MED12L: variants seen among roughly 807,000 people sequenced by gnomAD.
MED12L encodes mediator complex subunit 12L.
Under a neutral mutation model 281.3 loss-of-function variants are expected in MED12L, and 60 were observed. The observed-to-expected ratio is 0.21, with a 90% CI of 0.17 to 0.26. The LOEUF is 0.26. Among genes scored for constraint, MED12L ranks in the 10% least tolerant of loss-of-function variants. MED12L has a pLI of 1.00. For synonymous variants in MED12L, 974 were observed against 987.2 expected, an observed-to-expected ratio of 0.99 and a Z score of 0.25; for missense variants, 2,146 against 2,680.9, an observed-to-expected ratio of 0.80 and a Z score of 4.41.
At chr3:151,121,680 A>G (rs1335862272) in intron 3 of MED12L, among the ~76,000 whole-genome samples, 1 of 152,124 alleles carries the variant, frequency 6.6e-6, no homozygotes, top group Non-Finnish European at 1.5e-5. Flanking sequence ...AAAAAATTCC[A>G]ACAGATTTTC....
At chr3:151,186,424 G>A (rs567122626) in intron 12 of MED12L, among the ~76,000 whole-genome samples, 1 of 152,270 alleles carries the variant, frequency 6.6e-6, no homozygotes, top group Admixed American at 6.5e-5. Flanking sequence ...TGTAGCCTTT[G>A]CAGCATCTCC....
intron 16 of MED12L, among the ~76,000 whole-genome samples, chr3:151,275,351 C>T (rs1004614921): frequency 6.6e-6 from 1 of 152,060 alleles, no homozygotes; most frequent in Non-Finnish European, 1.5e-5. Flanking sequence ...AGCCAGCACC[C>T]GTCCCTGGCT....
intron 16 of MED12L, among the ~76,000 whole-genome samples, chr3:151,334,300 G>A (rs1454723194): frequency 6.8e-6 from 1 of 146,746 alleles, no homozygotes; most frequent in Non-Finnish European, 1.5e-5. Context: ...ATTATGAAGT[G>A]CATTTCCACA....
chr3:151,366,398 G>A (rs971146921), intron 23 of MED12L, among the ~76,000 whole-genome samples: 2 of 152,174 alleles, frequency 1.3e-5, no homozygotes, highest in African/African-American at 4.8e-5. Flanking sequence ...TAAGTGCAAG[G>A]CGCAGTATAC....
intron 16 of MED12L, among the ~76,000 whole-genome samples, chr3:151,218,485 AC>A (rs1728664691): frequency 6.6e-6 from 1 of 152,152 alleles, no homozygotes; most frequent in Non-Finnish European, 1.5e-5. Flanking sequence ...CATTATGTTA[AC>A]CTTGAGGCTT....
intron 5 of MED12L, among the ~76,000 whole-genome samples, chr3:151,152,921 C>T (rs777896411): frequency 2.2e-4 from 34 of 152,168 alleles, no homozygotes; most frequent in African/African-American, 7.2e-4. Context: ...GCCTCCATGG[C>T]GGGTGTTCCT....
chr3:151,297,002 C>CT (rs1002528943), intron 16 of MED12L, among the ~76,000 whole-genome samples: 6 of 152,098 alleles, frequency 3.9e-5, no homozygotes, highest in African/African-American at 1.4e-4. Context: ...TGCTTGACAT[C>CT]TAAGTGCAGG....
chr3:151,327,898 T>C (rs1749840320), intron 16 of MED12L: 1 of 910,426 alleles, frequency 1.1e-6, no homozygotes, highest in Non-Finnish European at 1.7e-6. Flanking sequence ...TAAGAGAGCA[T>C]TTGTTCCAAT....
At chr3:151,271,479 G>A (rs1740934080) in intron 16 of MED12L, among the ~76,000 whole-genome samples, 1 of 152,132 alleles carries the variant, frequency 6.6e-6, no homozygotes, top group Admixed American at 6.5e-5. Context: ...GCTTCCTTGT[G>A]ACCTAGTAAT....
chr3:151,355,858 A>G (rs756534576), intron 18 of MED12L, 38 bp from the exon 19 acceptor site: 163 of 1,551,300 alleles, frequency 1.1e-4, no homozygotes, highest in Non-Finnish European at 1.4e-4. Flanking sequence ...ATTATTTAGA[A>G]TATTGGTCTT....
chr3:151,382,132 A>G (rs1295620668), intron 32 of MED12L, among the ~76,000 whole-genome samples: 3 of 152,168 alleles, frequency 2.0e-5, no homozygotes, highest in African/African-American at 7.2e-5. Context: ...ATAAACTGAT[A>G]AAGCCACTTG....
At chr3:151,188,583 AC>A in intron 13 of MED12L, 103 bp downstream of exon 13, 3 of 1,213,908 alleles carry the variant, frequency 2.5e-6, no homozygotes, top group Non-Finnish European at 3.4e-6. Context: ...TATTCTTGGC[AC>A]TGAATATAAT....
chr3:151,130,164 G>T (rs1715166648), intron 5 of MED12L, among the ~76,000 whole-genome samples: 1 of 152,068 alleles, frequency 6.6e-6, no homozygotes, highest in South Asian at 2.1e-4. Context: ...GTCTGAATCG[G>T]CATCTGAACC....
chr3:151,384,956 C>T (rs1397141315), intron 35 of MED12L, 74 bp from the exon 36 acceptor site: 5 of 824,346 alleles, frequency 6.1e-6, no homozygotes, highest in South Asian at 4.3e-5. Context: ...GGGGAACTTC[C>T]TTCTGGTTAA....
chr3:151,422,819 CTTT>C (rs34923048), intron 43 of MED12L, among the ~76,000 whole-genome samples: 6 of 131,018 alleles, frequency 4.6e-5, no homozygotes, highest in Admixed American at 7.7e-5. Context: ...TGATTCATTG[CTTT>C]TTTTTTTTTT....
intron 5 of MED12L, among the ~76,000 whole-genome samples, chr3:151,129,491 C>T (rs566753162): frequency 6.6e-6 from 1 of 151,618 alleles, no homozygotes; most frequent in Non-Finnish European, 1.5e-5. Context: ...TGAGTTTATT[C>T]CCCCCATCAG....
chr3:151,150,059 T>C (rs571638329), intron 5 of MED12L, among the ~76,000 whole-genome samples: 1 of 152,336 alleles, frequency 6.6e-6, no homozygotes, highest in African/African-American at 2.4e-5. Flanking sequence ...TTTGACCCCC[T>C]GACACATGAA....
At chr3:151,293,146 T>G (rs1385880458) in intron 16 of MED12L, among the ~76,000 whole-genome samples, 1 of 152,180 alleles carries the variant, frequency 6.6e-6, no homozygotes, top group Non-Finnish European at 1.5e-5. Context: ...AGAGTAAGAT[T>G]CTTTGTAGTC....
chr3:151,089,020 T>C (rs1432757175), intron 2 of MED12L, among the ~76,000 whole-genome samples: 2 of 152,028 alleles, frequency 1.3e-5, no homozygotes, highest in African/African-American at 4.8e-5. Flanking sequence ...GTGAGTAGAG[T>C]TTCCTAAGCT....
Sources: allele counts gnomAD v4.1 joint callset (sites outside exome capture counted in the v4.1 genomes callset), GRCh38; gene constraint gnomAD v4.1.1; transcripts MANE v1.5; gene names NCBI Gene and HGNC (gene_info 2026-07-23, HGNC 2026-07-21).